PDXK: variants seen among roughly 807,000 people sequenced by gnomAD.
The protein encoded by PDXK is pyridoxal kinase, also known as epididymis secretory sperm binding protein Li 1a.
Under a neutral mutation model 43.2 loss-of-function variants are expected in PDXK, and 15 were observed. The observed-to-expected ratio is 0.35, with a 90% CI of 0.23 to 0.53. PDXK has a LOEUF of 0.53. PDXK is among the 20% of genes least tolerant of loss of function. The pLI is 0.92. For missense variants in PDXK, 343 were observed against 417.0 expected (o/e 0.82, Z 1.54); for synonymous variants, 172 against 165.4 (o/e 1.04, Z -0.31).
chr21:43,754,048 ATGGAGCTGT>A lies in PDXK; in HGVS notation c.759+332_759+340del, dbSNP rs1430010460. On this transcript the variant is annotated intron_variant, in intron 9 of 10. Coordinates refer to ENST00000291565, the MANE Select transcript of PDXK (RefSeq NM_003681.5). This position sits in a 1 kb window ranked among gnomAD's most constrained non-coding sequence, Gnocchi z 5.5. ...GCGTTGGCGCAGGGCTGTGGGATGCATGGAGCTGTTGTGTCCTTGGTGACTTGGGGGCTG... is the reference window on the plus strand; with the variant it reads ...GCGTTGGCGCAGGGCTGTGGGATGCATGTGTCCTTGGTGACTTGGGGGCTG... 5.9e-5 allele frequency among the ~76,000 whole-genome samples: 9 copies of A among 152,236 alleles called. No individual in the cohort carries two copies. The highest frequency in any genetic ancestry group is 2.2e-4 in the African/African-American group (9 of 41,460).
At chr21:43,739,892 C>T (rs2083464305) in intron 2 of PDXK, among the ~76,000 whole-genome samples, 1 of 151,824 alleles carries the variant, frequency 6.6e-6, no homozygotes, top group Non-Finnish European at 1.5e-5. Flanking sequence ...CTCCTCCTAC[C>T]CCTTACCCCA....
chr21:43,722,635 A>C (rs1218937432), intron 1 of PDXK, among the ~76,000 whole-genome samples: 1 of 150,602 alleles, frequency 6.6e-6, no homozygotes, highest in Non-Finnish European at 1.5e-5. Flanking sequence ...CCTCCATACA[A>C]GGGTCCTTCC....
At position 43,756,150 on chromosome 21, in the gene PDXK, A is replaced by G. The variant is rs1414045313; in HGVS notation, c.*87A>G. 8.1e-6 allele frequency: 6 copies of G among 739,778 alleles called. No individual in the cohort carries two copies. Among genetic ancestry groups the G allele is most frequent in the Non-Finnish European group, 1.4e-5 (6 of 436,746 alleles). The allele number at this position is 739,778 out of a possible 1,614,324, so 45.8% of individuals were successfully genotyped here. On this transcript the variant is annotated 3_prime_UTR_variant, in exon 11 of 11. Coordinates refer to ENST00000291565, the MANE Select transcript of PDXK (RefSeq NM_003681.5). ...AACATGTAACGTCTGCCTTAGAGCC[A>G]TGACCGAAACTTGATATTTTTTTCT... is the stretch of plus-strand genomic sequence containing the variant.
chr21:43,724,180 G>A (rs945193883), intron 1 of PDXK, among the ~76,000 whole-genome samples: 1 of 152,188 alleles, frequency 6.6e-6, no homozygotes, highest in Non-Finnish European at 1.5e-5. Context: ...GGGGCTTGGC[G>A]GAGGTTGTAT....
chr21:43,753,681 C>G lies in PDXK; in HGVS notation c.721C>G (p.Leu241Val), dbSNP rs772689161. 1 of 1,613,686 alleles carries G rather than the reference C, an allele frequency of 6.2e-7. No homozygotes were observed. The highest frequency in any genetic ancestry group is 8.5e-7 in the Non-Finnish European group (1 of 1,179,760). The change falls in exon 9 of 11, where the codon CTC (leucine) becomes GTC (valine). Residue 241 changes from leucine to valine, a missense_variant. Leu to Val is a conservative substitution (Grantham distance 32, BLOSUM62 1). Coordinates refer to ENST00000291565, the MANE Select transcript of PDXK (RefSeq NM_003681.5). ...CACTGGGGACCTGTTTGCTGCCATG[C>G]TCCTGGCGTGGACACACAAGCACCC... ...VGTGDLFAAM[L>V]LAWTHKHPNN...
chr21:43,731,954 C>G (rs1231673409), intron 1 of PDXK, among the ~76,000 whole-genome samples: 1 of 152,236 alleles, frequency 6.6e-6, no homozygotes. Context: ...AGGCAGGTGT[C>G]TGCCAGCTGG....
intron 9 of PDXK, among the ~76,000 whole-genome samples, chr21:43,753,935 G>T (rs2083801417): frequency 6.6e-6 from 1 of 152,260 alleles, no homozygotes; most frequent in South Asian, 2.1e-4. Flanking sequence ...GGGACCTAGG[G>T]ATGATCAGAG....
intron 1 of PDXK, among the ~76,000 whole-genome samples, chr21:43,725,778 C>G (rs1443840909): frequency 1.3e-5 from 2 of 152,014 alleles, no homozygotes; most frequent in African/African-American, 4.8e-5. Flanking sequence ...CCACTGCACT[C>G]CAGCCCCTGC....
chr21:43,736,875 C>T (rs765662752), intron 2 of PDXK: 7 of 697,048 alleles, frequency 1.0e-5, no homozygotes, highest in Non-Finnish European at 1.8e-5. Flanking sequence ...CTCAAGCGAT[C>T]CTGCCCCCTC....
At position 43,756,661 on chromosome 21, in the gene PDXK, G is replaced by C. The variant is rs1197768213; in HGVS notation, c.*598G>C. 1 of 152,702 alleles carries C rather than the reference G, an allele frequency of 6.5e-6. No homozygotes were observed. Among genetic ancestry groups the C allele is most frequent in the Non-Finnish European group, 1.5e-5 (1 of 68,418 alleles). The allele number at this position is 152,702 out of a possible 1,614,324, so 9.5% of individuals were successfully genotyped here. ...TTTCACCGTATGGGAGGGTTGATGT[G>C]AGCTTGCTTGGAGACACACGGTGCA... On this transcript the variant is annotated 3_prime_UTR_variant, in exon 11 of 11. Transcript: ENST00000291565.
Position 43,759,316 on chromosome 21 carries a change from C to T in PDXK, c.*3253C>T, listed in dbSNP as rs2083898481. ...GCGGGGCCCCGAGCAGCTCCCCACT[C>T]TGCCCGTCCACCTTCCCTGGCTCCA... On this transcript the variant is annotated 3_prime_UTR_variant, in exon 11 of 11. Coordinates refer to ENST00000291565, the MANE Select transcript of PDXK (RefSeq NM_003681.5). 1 of 153,778 alleles carries T rather than the reference C, an allele frequency of 6.5e-6. No individual in the cohort carries two copies. The highest frequency in any genetic ancestry group is 2.4e-5 in the African/African-American group (1 of 41,460). 9.5% of individuals were successfully genotyped at this position (153,778 alleles called of 1,614,324 possible).
At chr21:43,721,210 G>A (rs1021424844) in intron 1 of PDXK, among the ~76,000 whole-genome samples, 24 of 152,242 alleles carry the variant, frequency 1.6e-4, no homozygotes, top group African/African-American at 5.8e-4. Flanking sequence ...GGGCACAGGA[G>A]GGAATGGGGG....
intron 3 of PDXK, among the ~76,000 whole-genome samples, chr21:43,742,177 T>C (rs1432248795): frequency 6.6e-6 from 1 of 152,212 alleles, no homozygotes; most frequent in Non-Finnish European, 1.5e-5. Flanking sequence ...TGTATACATG[T>C]TTATTATTAT....
chr21:43,719,501 G>T lies in PDXK; in HGVS notation c.87+120G>T, dbSNP rs1295364174. The T allele has an allele frequency of 2.3e-6, 3 of 1,318,834 alleles. No homozygotes were observed. The African/African-American group carries it at 4.6e-5, about 20-fold the overall frequency. 81.7% of individuals were successfully genotyped at this position (1,318,834 alleles called of 1,614,324 possible). A position where few individuals can be genotyped will look rare whatever the true frequency, so the allele number is the denominator to read the frequency against. ...GGGAGCTGCGGGCAGAGCCTGGCGC[G>T]GGCGCCCTGGAGGCAGGCGCGGGAT... is the stretch of plus-strand genomic sequence containing the variant. On this transcript the variant is annotated intron_variant, in intron 1 of 10. Coordinates refer to ENST00000291565, the MANE Select transcript of PDXK (RefSeq NM_003681.5).
At chr21:43,744,532 G>A (rs1473387145) in intron 4 of PDXK, 3 of 152,622 alleles carry the variant, frequency 2.0e-5, no homozygotes, top group Admixed American at 2.0e-4. Flanking sequence ...GCCAGGAAGA[G>A]GAAGGGAGCT....
Position 43,755,959 on chromosome 21 carries a change from G to T in PDXK, c.835G>T (p.Gly279Trp). Reference sequence around the variant, plus strand: ...CTCTGCCTGCCCCGCAGCCCAGGCCGGGGAAGGAGTGAGGCCCAGCCCCAT... The same window carrying T: ...CTCTGCCTGCCCCGCAGCCCAGGCCTGGGAAGGAGTGAGGCCCAGCCCCAT... ...RTIQCAKAQA[G>W]EGVRPSPMQL... Residue 279 changes from glycine (G) to tryptophan (W), a missense_variant, in exon 11 of 11, where the codon GGG (glycine) becomes TGG (tryptophan). Physicochemically the swap from Gly to Trp is radical, Grantham distance 184 (BLOSUM62 -2). Coordinates refer to ENST00000291565, the MANE Select transcript of PDXK (RefSeq NM_003681.5). The T allele has an allele frequency of 6.2e-7, 1 of 1,609,050 alleles. No homozygotes were observed. The highest frequency in any genetic ancestry group is 2.2e-5 in the East Asian group (1 of 44,724).
At chr21:43,750,961 C>CGTGT (rs2083737733) in intron 7 of PDXK, among the ~76,000 whole-genome samples, 1 of 35,310 alleles carries the variant, frequency 2.8e-5, no homozygotes, top group Non-Finnish European at 5.7e-5. Context: ...CATGTGTGTG[C>CGTGT]ATGTGTGTGT....
rs753295368 is a variant in PDXK, at chr21:43,755,736, T to C, written c.798T>C (p.Val266=). Residue 266 remains valine (V), a synonymous_variant, in exon 10 of 11, where the codon GTT becomes GTC. Transcript: ENST00000291565. ...CEKTVSTLHH[V]LQRTIQCAKA... ...AGACCGTGTCTACCTTGCACCACGT[T>C]CTGCAGAGGACCATCCAGTGTGCAA... 6.2e-7 allele frequency: 1 copy of C among 1,614,136 alleles called. No individual in the cohort carries two copies. Among genetic ancestry groups the C allele is most frequent in the Non-Finnish European group, 8.5e-7 (1 of 1,179,996 alleles).
Position 43,737,552 on chromosome 21 carries a change from G to A in PDXK, c.142+3429G>A, listed in dbSNP as rs1411222088. 10 of 1,009,822 alleles carry A rather than the reference G, an allele frequency of 9.9e-6. No individual in the cohort carries two copies. The highest frequency in any genetic ancestry group is 8.0e-5 in the South Asian group (2 of 25,056). 62.6% of individuals were successfully genotyped at this position (1,009,822 alleles called of 1,614,324 possible). On this transcript the variant is annotated intron_variant, in intron 2 of 10. Coordinates refer to ENST00000291565, the MANE Select transcript of PDXK (RefSeq NM_003681.5). This position sits in a 1 kb window ranked among gnomAD's most constrained non-coding sequence, Gnocchi z 4.8. ...GACGGGTTGCGCTGTCCTGGCTTTC[G>A]GAGTGTAGAGCCAGAGGGGATGGGA...
Sources: allele counts gnomAD v4.1 joint callset (sites outside exome capture counted in the v4.1 genomes callset), GRCh38; gene constraint gnomAD v4.1.1; non-coding constraint Gnocchi (gnomAD v3.1); transcripts MANE v1.5; gene names NCBI Gene and HGNC (gene_info 2026-07-23, HGNC 2026-07-21).